Variants in SNX29 observed in about 807,000 individuals in gnomAD.
SNX29 encodes the protein sorting nexin-29.
Under a neutral mutation model 102.1 loss-of-function variants are expected in SNX29, and 78 were observed. The ratio of observed to expected loss-of-function variants is 0.76; its 90% CI spans 0.64 to 0.92. SNX29 has a LOEUF of 0.92. Among genes scored for constraint, SNX29 ranks in the 40% least tolerant of loss-of-function variants. SNX29 has a pLI of 0.00. For synonymous variants in SNX29, 580 were observed against 414.5 expected, an observed-to-expected ratio of 1.40 and a Z score of -4.85; for missense variants, 1,280 against 1,061.7, an observed-to-expected ratio of 1.21 and a Z score of -2.86.
At chr16:12,004,082 C>T (rs1325109769) in intron 3 of SNX29, among the ~76,000 whole-genome samples, 3 of 151,130 alleles carry the variant, frequency 2.0e-5, no homozygotes, top group East Asian at 2.0e-4. Context: ...TGGCTCACGC[C>T]TGTAATCCCA....
At chr16:12,315,394 G>C (rs2080700107) in intron 15 of SNX29, among the ~76,000 whole-genome samples, 1 of 152,130 alleles carries the variant, frequency 6.6e-6, no homozygotes, top group African/African-American at 2.4e-5. Context: ...GTCATTCCAG[G>C]AAAGCAGCCA....
At chr16:12,036,613 C>T (rs1347721667) in intron 4 of SNX29, among the ~76,000 whole-genome samples, 8 of 151,916 alleles carry the variant, frequency 5.3e-5, no homozygotes, top group South Asian at 2.1e-4. Flanking sequence ...GGATTACAGG[C>T]GTGAGCCACC....
At chr16:12,469,029 C>T (rs1194607266) in intron 18 of SNX29, among the ~76,000 whole-genome samples, 1 of 152,212 alleles carries the variant, frequency 6.6e-6, no homozygotes. Context: ...ACAGGGGCTG[C>T]TCTTCAGCTA....
chr16:12,329,671 A>G (rs1388030779), intron 15 of SNX29, among the ~76,000 whole-genome samples: 2 of 152,228 alleles, frequency 1.3e-5, no homozygotes, highest in Non-Finnish European at 1.5e-5. Context: ...GCTGCTAAGC[A>G]TGTTTTTCTG....
intron 11 of SNX29, among the ~76,000 whole-genome samples, chr16:12,086,494 T>TCCG: frequency 6.6e-6 from 1 of 152,106 alleles, no homozygotes; most frequent in South Asian, 2.1e-4. Flanking sequence ...TACTGCAGCC[T>TCCG]TGAACTCCTG....
At chr16:12,131,546 C>T (rs1012941508) in intron 13 of SNX29, among the ~76,000 whole-genome samples, 3 of 152,078 alleles carry the variant, frequency 2.0e-5, no homozygotes, top group African/African-American at 2.4e-5. Flanking sequence ...TGAGTGAACC[C>T]GCCATATTAA....
intron 16 of SNX29, among the ~76,000 whole-genome samples, chr16:12,377,822 A>T (rs988092689): frequency 1.3e-5 from 2 of 152,232 alleles, no homozygotes; most frequent in Non-Finnish European, 2.9e-5. Context: ...CTTTGAACTC[A>T]GGATCAAAGA....
At chr16:12,562,537 C>T (rs2078786287) in intron 20 of SNX29, among the ~76,000 whole-genome samples, 1 of 152,130 alleles carries the variant, frequency 6.6e-6, no homozygotes, top group African/African-American at 2.4e-5. Flanking sequence ...ATGACACAGC[C>T]AGGAGTCATC....
chr16:12,131,979 C>T (rs751389089), intron 13 of SNX29, among the ~76,000 whole-genome samples: 3 of 152,172 alleles, frequency 2.0e-5, no homozygotes, highest in Non-Finnish European at 4.4e-5. Context: ...CCTGGACCAC[C>T]CTTTTGCCTG....
chr16:12,107,965 T>C (rs1183110337), intron 11 of SNX29, among the ~76,000 whole-genome samples: 1 of 152,092 alleles, frequency 6.6e-6, no homozygotes, highest in East Asian at 1.9e-4. Context: ...AGGCCAAAGA[T>C]TGATTGACGG....
intron 14 of SNX29, among the ~76,000 whole-genome samples, chr16:12,262,413 C>G (rs2078801991): frequency 6.6e-6 from 1 of 152,156 alleles, no homozygotes; most frequent in African/African-American, 2.4e-5. Context: ...ACATTCATCC[C>G]AAAGAGATAC....
intron 18 of SNX29, among the ~76,000 whole-genome samples, chr16:12,439,946 C>A (rs1214731146): frequency 6.6e-6 from 1 of 152,190 alleles, no homozygotes; most frequent in Non-Finnish European, 1.5e-5. Flanking sequence ...GCTGGCCAAA[C>A]CGTCCAGCTG....
At chr16:12,122,232 A>G (rs900912447) in intron 11 of SNX29, among the ~76,000 whole-genome samples, 2 of 152,150 alleles carry the variant, frequency 1.3e-5, no homozygotes, top group Admixed American at 6.5e-5. Context: ...CTTGGGCCAG[A>G]TGCCTCTGTC....
In SNX29 at chr16:12,434,643, G is replaced by A. The variant is rs1017837911; in HGVS notation, c.2037+31114G>A. On this transcript the variant is annotated intron_variant, in intron 18 of 20. Coordinates refer to ENST00000566228, the MANE Select transcript of SNX29 (RefSeq NM_032167.5). ...CCACCCAAAGACAGTTCCTCCAAGT[G>A]CTAGGGACCCGCCAACACCCCTGCA... Among the ~76,000 whole-genome samples the A allele has an allele frequency of 4.6e-5, 7 of 152,208 alleles. No individual in the cohort carries two copies. In the East Asian group the frequency reaches 1.2e-3, roughly 25 times the overall value.
At chr16:12,504,400 C>T (rs964469897) in intron 19 of SNX29, among the ~76,000 whole-genome samples, 6 of 152,156 alleles carry the variant, frequency 3.9e-5, no homozygotes, top group Non-Finnish European at 7.3e-5. Flanking sequence ...CAGCCTCTCC[C>T]CATTTCTCCC....
intron 10 of SNX29, among the ~76,000 whole-genome samples, chr16:12,072,244 C>T (rs892757540): frequency 2.6e-5 from 4 of 152,148 alleles, no homozygotes; most frequent in Non-Finnish European, 5.9e-5. Context: ...CTGTCTTGTG[C>T]CAGTTTTCAA....
chr16:11,979,872 C>T (rs184386106), intron 1 of SNX29, among the ~76,000 whole-genome samples: 1 of 152,252 alleles, frequency 6.6e-6, no homozygotes. Context: ...GAACTCCTGG[C>T]TTCATATGAT....
chr16:12,386,239 G>A (rs67874954), intron 16 of SNX29, among the ~76,000 whole-genome samples: 28,348 of 152,188 alleles, frequency 0.19, 3,610 homozygotes, highest in African/African-American at 0.35. Flanking sequence ...CTGGGGCCTC[G>A]TGTGCTGGTG....
At chr16:12,564,534 G>T (rs1002872022) in intron 20 of SNX29, among the ~76,000 whole-genome samples, 3 of 152,190 alleles carry the variant, frequency 2.0e-5, no homozygotes. Flanking sequence ...TCTGAATATG[G>T]AGTTAAGGCC....
Sources: gnomAD v4.1 joint callset for allele counts (sites outside exome capture counted in the v4.1 genomes callset) on GRCh38, gnomAD v4.1.1 for gene constraint, MANE v1.5 for transcripts, NCBI Gene and HGNC (gene_info 2026-07-23, HGNC 2026-07-21) for gene names.